RAP1A: variants seen among roughly 807,000 people sequenced by gnomAD.
The protein encoded by RAP1A is ras-related protein Rap-1A.
RAP1A carries 6 observed loss-of-function variants against 26.4 expected under a neutral mutation model. The ratio of observed to expected loss-of-function variants is 0.23; its 90% CI spans 0.12 to 0.45. The LOEUF is 0.45. Ranked by LOEUF, RAP1A falls within the 20% of genes least tolerant of loss-of-function variation. The pLI is 0.99. For synonymous variants in RAP1A, 73 were observed against 79.4 expected, an observed-to-expected ratio of 0.92 and a Z score of 0.43; for missense variants, 121 against 217.2, an observed-to-expected ratio of 0.56 and a Z score of 2.78.
At chr1:111,551,303 T>G (rs1423814314) in intron 1 of RAP1A, among the ~76,000 whole-genome samples, 1 of 152,180 alleles carries the variant, frequency 6.6e-6, no homozygotes, top group Non-Finnish European at 1.5e-5. Context: ...GTCTTATATC[T>G]TTTTTGCACC....
intron 2 of RAP1A, among the ~76,000 whole-genome samples, chr1:111,694,690 T>C (rs550052529): frequency 6.6e-6 from 1 of 152,366 alleles, no homozygotes; most frequent in African/African-American, 2.4e-5. Context: ...GAATAACTAT[T>C]TCTGGGACAA....
intron 1 of RAP1A, among the ~76,000 whole-genome samples, chr1:111,657,996 A>G (rs554875876): frequency 6.6e-6 from 1 of 152,254 alleles, no homozygotes; most frequent in Admixed American, 6.5e-5. Flanking sequence ...GTATGATTTA[A>G]ATTTATTCAA....
chr1:111,689,160 C>T (rs1035352194), intron 1 of RAP1A, among the ~76,000 whole-genome samples: 6 of 151,970 alleles, frequency 3.9e-5, no homozygotes, highest in South Asian at 2.1e-4. Flanking sequence ...TATCAAATTT[C>T]GAAAATGTCA....
intron 1 of RAP1A, among the ~76,000 whole-genome samples, chr1:111,603,115 G>A (rs1557862514): frequency 6.6e-6 from 1 of 152,238 alleles, no homozygotes; most frequent in Non-Finnish European, 1.5e-5. Flanking sequence ...GCTTTCCTGA[G>A]ATGAAGCAGA....
chr1:111,559,015 A>T (rs981433857), intron 1 of RAP1A, among the ~76,000 whole-genome samples: 1 of 152,180 alleles, frequency 6.6e-6, no homozygotes, highest in African/African-American at 2.4e-5. Flanking sequence ...CCAGAGACCA[A>T]GTTCTCTGAA....
In RAP1A at chr1:111,697,416, CTTTTTT is replaced by C; in HGVS notation, c.127-16_127-11del. On this transcript the variant is annotated intron_variant, in intron 3 of 7. Coordinates refer to ENST00000369709, the MANE Select transcript of RAP1A (RefSeq NM_002884.4). Reference sequence around the variant, plus strand: ...TGAGATTTTGATGTTACTCTTTAACCTTTTTTTTTTTTTTGCCCCCACAGCAAGTTG... The same window carrying C: ...TGAGATTTTGATGTTACTCTTTAACCTTTTTTTTGCCCCCACAGCAAGTTG... The C allele has an allele frequency of 6.4e-7, 1 of 1,570,858 alleles. No individual in the cohort carries two copies. Among genetic ancestry groups the C allele is most frequent in the Admixed American group, 1.8e-5 (1 of 55,000 alleles).
chr1:111,604,485 C>T (rs1276888412), intron 1 of RAP1A: 1 of 152,164 alleles, frequency 6.6e-6, no homozygotes, highest in Non-Finnish European at 1.5e-5. Flanking sequence ...AGGATGTCCA[C>T]AGTTCAGCTT....
At chr1:111,622,053 A>G (rs1659227153) in intron 1 of RAP1A, among the ~76,000 whole-genome samples, 1 of 152,244 alleles carries the variant, frequency 6.6e-6, no homozygotes, top group Admixed American at 6.5e-5. Context: ...AGATGGGAAG[A>G]AAAGGAAACT....
chr1:111,561,567 C>G (rs1301053742), intron 1 of RAP1A, among the ~76,000 whole-genome samples: 1 of 152,090 alleles, frequency 6.6e-6, no homozygotes, highest in African/African-American at 2.4e-5. Flanking sequence ...GTCATAGTCT[C>G]CACATCAAGG....
chr1:111,709,114 G>T (rs767967039), intron 6 of RAP1A, 35 bp from the exon 7 acceptor site: 14 of 1,590,258 alleles, frequency 8.8e-6, no homozygotes, highest in Middle Eastern at 3.6e-4. Context: ...TCAAAAACTG[G>T]TGGAGTAAGT....
chr1:111,682,716 C>T (rs1459557714), intron 1 of RAP1A, among the ~76,000 whole-genome samples: 1 of 152,150 alleles, frequency 6.6e-6, no homozygotes, highest in African/African-American at 2.4e-5. Flanking sequence ...TAGACTTCCA[C>T]ACAATCATAG....
At chr1:111,676,308 A>G (rs574420165) in intron 1 of RAP1A, among the ~76,000 whole-genome samples, 1 of 152,316 alleles carries the variant, frequency 6.6e-6, no homozygotes, top group Non-Finnish European at 1.5e-5. Flanking sequence ...GTGAGCCGAG[A>G]TCATGCCACT....
intron 1 of RAP1A, among the ~76,000 whole-genome samples, chr1:111,574,025 T>G (rs2101056773): frequency 6.6e-6 from 1 of 152,368 alleles, no homozygotes; most frequent in South Asian, 2.1e-4. Context: ...TCATGAAATA[T>G]GTGACTGTTC....
At chr1:111,652,444 G>C (rs1660303989) in intron 1 of RAP1A, among the ~76,000 whole-genome samples, 2 of 151,936 alleles carry the variant, frequency 1.3e-5, no homozygotes, top group South Asian at 4.1e-4. Context: ...TGTTTTGTAT[G>C]GCCCTCAAGC....
At chr1:111,622,176 C>T (rs1315969680) in intron 1 of RAP1A, among the ~76,000 whole-genome samples, 1 of 152,162 alleles carries the variant, frequency 6.6e-6, no homozygotes, top group Non-Finnish European at 1.5e-5. Flanking sequence ...CCCTCCACCC[C>T]AAGTTGATTT....
intron 1 of RAP1A, among the ~76,000 whole-genome samples, chr1:111,579,265 C>T (rs529001719): frequency 2.0e-5 from 3 of 152,216 alleles, no homozygotes; most frequent in East Asian, 3.9e-4. Flanking sequence ...ACTAGGGCCC[C>T]CACACTAAGT....
intron 1 of RAP1A, among the ~76,000 whole-genome samples, chr1:111,593,652 C>CCTTTT (rs1658509956): frequency 1.5e-5 from 1 of 65,378 alleles, no homozygotes; most frequent in Non-Finnish European, 2.7e-5. Context: ...ATGACTCCTA[C>CCTTTT]TTTTTTTTTT....
chr1:111,561,679 T>A (rs999175532), intron 1 of RAP1A, among the ~76,000 whole-genome samples: 2 of 152,340 alleles, frequency 1.3e-5, no homozygotes, highest in Admixed American at 1.3e-4. Flanking sequence ...GAATTTTTTG[T>A]AATTTTTCCT....
At chr1:111,658,934 A>G (rs1027644528) in intron 1 of RAP1A, among the ~76,000 whole-genome samples, 8 of 152,300 alleles carry the variant, frequency 5.3e-5, no homozygotes, top group Non-Finnish European at 1.2e-4. Flanking sequence ...ATGCATGCAC[A>G]TTAAGAATTG....
Sources: gnomAD v4.1 joint callset for allele counts (sites outside exome capture counted in the v4.1 genomes callset) on GRCh38, gnomAD v4.1.1 for gene constraint, MANE v1.5 for transcripts, NCBI Gene and HGNC (gene_info 2026-07-23, HGNC 2026-07-21) for gene names.